Variants in RBFOX1 observed in about 807,000 individuals in gnomAD.
The protein encoded by RBFOX1 is RNA binding protein fox-1 homolog 1.
RBFOX1 carries 8 observed loss-of-function variants against 57.7 expected under a neutral mutation model. The ratio of observed to expected loss-of-function variants is 0.14; its 90% CI spans 0.08 to 0.25. The LOEUF (loss-of-function observed/expected upper bound fraction) is 0.25, where lower values mean the gene tolerates loss of function less well. Among genes scored for constraint, RBFOX1 ranks in the 10% least tolerant of loss-of-function variants. The probability of loss-of-function intolerance (pLI) is 1.00; values close to 1 mark genes in which losing one functional copy is unlikely to be tolerated. For synonymous variants in RBFOX1, 326 were observed against 222.4 expected (o/e 1.47, Z -4.15); for missense variants, 611 against 548.5 (o/e 1.11, Z -1.14).
chr16:6,641,888 AAC>A (rs973576260), intron 2 of RBFOX1, among the ~76,000 whole-genome samples: 9 of 151,862 alleles, frequency 5.9e-5, no homozygotes, highest in African/African-American at 2.2e-4. Flanking sequence ...TCACCTGGGG[AAC>A]ACACACACCA....
intron 1 of RBFOX1, among the ~76,000 whole-genome samples, chr16:6,025,243 G>C (rs763751342): frequency 5.9e-5 from 9 of 152,178 alleles, no homozygotes; most frequent in Non-Finnish European, 1.2e-4. Flanking sequence ...TTGGTCTGTG[G>C]ACGTAGTGAC....
chr16:5,675,218 G>GCA (rs113522371), intron 3 of RBFOX1, among the ~76,000 whole-genome samples: 3,783 of 150,196 alleles, frequency 0.025, 145 homozygotes, highest in African/African-American at 0.087. Flanking sequence ...ATGTACTCAC[G>GCA]CACACACACA....
chr16:6,913,842 A>C (rs183167459), intron 3 of RBFOX1, among the ~76,000 whole-genome samples: 3 of 152,288 alleles, frequency 2.0e-5, no homozygotes, highest in East Asian at 1.9e-4. Context: ...CATGTGGCGT[A>C]ATTGTATTTT....
intron 3 of RBFOX1, among the ~76,000 whole-genome samples, chr16:5,703,391 G>A (rs891334927): frequency 1.3e-5 from 2 of 152,198 alleles, no homozygotes; most frequent in Admixed American, 6.5e-5. Flanking sequence ...AAATTGGGAT[G>A]GAGTTTGGTT....
intron 3 of RBFOX1, among the ~76,000 whole-genome samples, chr16:5,792,699 C>G (rs192631551): frequency 6.8e-3 from 1,028 of 152,096 alleles, no homozygotes; most frequent in Non-Finnish European, 0.011. Flanking sequence ...AAAAACTAGC[C>G]GGGCATGGTG....
At chr16:6,710,444 A>C (rs1013652297) in intron 3 of RBFOX1, among the ~76,000 whole-genome samples, 7 of 152,066 alleles carry the variant, frequency 4.6e-5, no homozygotes, top group Non-Finnish European at 8.8e-5. Flanking sequence ...TTTTCATCCT[A>C]ATTTTTTGGA....
intron 3 of RBFOX1, among the ~76,000 whole-genome samples, chr16:6,868,711 C>T (rs939086593): frequency 3.9e-5 from 6 of 152,100 alleles, no homozygotes; most frequent in Admixed American, 2.6e-4. Flanking sequence ...TCTCAGGTGA[C>T]CCACTTGCTT....
intron 4 of RBFOX1, among the ~76,000 whole-genome samples, chr16:7,073,336 G>A (rs1209423557): frequency 6.6e-6 from 1 of 152,124 alleles, no homozygotes; most frequent in Non-Finnish European, 1.5e-5. Flanking sequence ...AAGGGGCATG[G>A]CCCATGACTG....
At chr16:5,408,936 C>T (rs1474083405) in intron 1 of RBFOX1, among the ~76,000 whole-genome samples, 1 of 152,230 alleles carries the variant, frequency 6.6e-6, no homozygotes, top group African/African-American at 2.4e-5. Context: ...CCGTTCACCT[C>T]CCACCAGGCC....
In RBFOX1 at chr16:7,476,269, G is replaced by T. The variant is rs553164562; in HGVS notation, c.28-41878G>T. On this transcript the variant is annotated intron_variant, in intron 4 of 15. Transcript: ENST00000550418. ...ATTACAGGCATGAGCCATAACTTCT[G>T]GCCTAGTCAGAATATTTGTTTGAAT... is the stretch of plus-strand genomic sequence containing the variant. Among the ~76,000 whole-genome samples, 8 of 152,252 alleles carry T rather than the reference G, an allele frequency of 5.3e-5. 1 individual carries two copies. The East Asian group carries it at 1.5e-3, about 29-fold the overall frequency.
intron 1 of RBFOX1, among the ~76,000 whole-genome samples, chr16:6,237,868 C>T (rs534161470): frequency 4.6e-5 from 7 of 151,952 alleles, no homozygotes; most frequent in South Asian, 2.1e-4. Context: ...CCAAGGTGGG[C>T]GGGTCAGGAG....
intron 3 of RBFOX1, among the ~76,000 whole-genome samples, chr16:6,885,033 G>A (rs1428630927): frequency 6.6e-6 from 1 of 152,200 alleles, no homozygotes; most frequent in Non-Finnish European, 1.5e-5. Context: ...TTTTAGAAAA[G>A]CAGCAAAACG....
At chr16:7,293,839 A>T (rs528809805) in intron 4 of RBFOX1, among the ~76,000 whole-genome samples, 3 of 152,242 alleles carry the variant, frequency 2.0e-5, no homozygotes, top group East Asian at 1.9e-4. Context: ...AAGGTATGCA[A>T]TGATGCCAGG....
At chr16:6,819,705 CAAAAAAAAAAA>C (rs1181614275) in intron 3 of RBFOX1, among the ~76,000 whole-genome samples, 1 of 20,626 alleles carries the variant, frequency 4.8e-5, no homozygotes, top group East Asian at 1.6e-3. Context: ...AACTCTGACT[CAAAAAAAAAAA>C]AAAAAAAAAA....
rs536011218 is a variant in RBFOX1, at chr16:5,772,353, T to C, written c.319-94950T>C. On this transcript the variant is annotated intron_variant, in intron 3 of 19. Coordinates refer to the RBFOX1 transcript ENST00000641259. ...CTCCTAACATCTTCCCATGTGCTTT[T>C]CACACACCCAAATTCCTGAGCTCCA... Among the ~76,000 whole-genome samples the C allele has an allele frequency of 5.3e-5, 8 of 152,060 alleles. No individual in the cohort carries two copies. The East Asian group carries it at 1.5e-3, about 29-fold the overall frequency.
intron 4 of RBFOX1, among the ~76,000 whole-genome samples, chr16:7,481,682 T>C (rs2063974924): frequency 6.6e-6 from 1 of 152,176 alleles, no homozygotes; most frequent in South Asian, 2.1e-4. Context: ...ATGCTTTGAG[T>C]ATGACATGAA....
chr16:6,828,569 G>C (rs1036555981), intron 3 of RBFOX1, among the ~76,000 whole-genome samples: 2 of 151,750 alleles, frequency 1.3e-5, no homozygotes, highest in Non-Finnish European at 2.9e-5. Context: ...TAGAGGCTGT[G>C]GGCTGATCAG....
At chr16:6,267,699 C>A (rs1307133447) in intron 1 of RBFOX1, among the ~76,000 whole-genome samples, 1 of 152,276 alleles carries the variant, frequency 6.6e-6, no homozygotes, top group African/African-American at 2.4e-5. Context: ...ATCAAAACTT[C>A]TGTTTTTTTC....
At chr16:7,587,965 G>C (rs1311740909) in intron 7 of RBFOX1, among the ~76,000 whole-genome samples, 1 of 152,120 alleles carries the variant, frequency 6.6e-6, no homozygotes, top group Non-Finnish European at 1.5e-5. Flanking sequence ...GATCACCTGA[G>C]GTCAGGAGCT....
Sources: allele counts gnomAD v4.1 joint callset (sites outside exome capture counted in the v4.1 genomes callset), GRCh38; gene constraint gnomAD v4.1.1; transcripts MANE v1.5; gene names NCBI Gene and HGNC (gene_info 2026-07-23, HGNC 2026-07-21).